The following BLTP1 variants were observed in gnomAD, a reference collection of about 807,000 sequenced individuals.
The protein encoded by BLTP1 is fragile site-associated protein.
chr4:122,251,474 TAATGAG>T, the BLTP1 span: 3 of 935,680 alleles, frequency 3.2e-6, no homozygotes, highest in Non-Finnish European at 3.8e-6. Flanking sequence ...ATATGTAGTT[TAATGAG>T]TTTAATCACA....
the BLTP1 span, chr4:122,193,482 T>G: frequency 4.7e-6 from 1 of 213,462 alleles, no homozygotes; most frequent in African/African-American, 2.4e-5. Context: ...CTATAGTGGT[T>G]AAGAGGTATA....
the BLTP1 span, chr4:122,246,299 G>A: frequency 6.4e-7 from 1 of 1,562,868 alleles, no homozygotes; most frequent in Non-Finnish European, 8.6e-7. Flanking sequence ...CATACCAAAG[G>A]TAACAATTTA....
the BLTP1 span, chr4:122,349,498 T>A: frequency 1.9e-6 from 3 of 1,602,342 alleles, no homozygotes; most frequent in African/African-American, 4.0e-5. The surrounding 1 kb of genome is among the most constrained non-coding windows in gnomAD (Gnocchi z 4.5). Flanking sequence ...AAAATTCAGA[T>A]TACTATGGGT....
chr4:122,263,299 A>G, the BLTP1 span: 3 of 1,409,364 alleles, frequency 2.1e-6, no homozygotes, highest in Non-Finnish European at 2.8e-6. Context: ...TTAATATCCA[A>G]ATACCAACAT....
chr4:122,346,149 T>C, the BLTP1 span, among the ~76,000 whole-genome samples: 3 of 151,800 alleles, frequency 2.0e-5, no homozygotes, highest in African/African-American at 7.3e-5. Flanking sequence ...ACAACAGGAG[T>C]AGAAGAATGC....
chr4:122,287,582 T>C, the BLTP1 span: 4 of 985,262 alleles, frequency 4.1e-6, no homozygotes, highest in Non-Finnish European at 4.8e-6. Context: ...GTTGCAACTT[T>C]ATGAAAAAGC....
chr4:122,362,153 C>T, the BLTP1 span: 1 of 1,613,436 alleles, frequency 6.2e-7, no homozygotes, highest in South Asian at 1.1e-5. Context: ...GTCATGGATC[C>T]ACTGGACAAG....
the BLTP1 span, chr4:122,229,269 CT>C: frequency 6.5e-7 from 1 of 1,546,096 alleles, no homozygotes; most frequent in South Asian, 1.2e-5. Flanking sequence ...TGGTGTAGTG[CT>C]TTTTCGTTTT....
chr4:122,214,544 C>T, the BLTP1 span: 224 of 954,826 alleles, frequency 2.3e-4, no homozygotes, highest in Non-Finnish European at 2.6e-4. Context: ...AAAAGTTTGC[C>T]GTAATGTATT....
At chr4:122,183,566 A>G in the BLTP1 span, 1 of 967,538 alleles carries the variant, frequency 1.0e-6, no homozygotes, top group Non-Finnish European at 1.2e-6. Flanking sequence ...CCAGTTAACA[A>G]GGCTGTTTTA....
At chr4:122,272,022 T>G in the BLTP1 span, 1 of 1,127,194 alleles carries the variant, frequency 8.9e-7, no homozygotes, top group Non-Finnish European at 1.2e-6. Flanking sequence ...GAAGAAATTT[T>G]TAATCATTTT....
the BLTP1 span, among the ~76,000 whole-genome samples, chr4:122,192,723 C>T: frequency 6.6e-6 from 1 of 151,764 alleles, no homozygotes; most frequent in African/African-American, 2.4e-5. Context: ...ATTGTTGGGA[C>T]TATGGGAATT....
the BLTP1 span, chr4:122,162,564 T>C: frequency 1.0e-6 from 1 of 985,212 alleles, no homozygotes; most frequent in Non-Finnish European, 1.2e-6. Context: ...TGGGGTGGAG[T>C]TGGGGGATTT....
At chr4:122,355,419 C>T in the BLTP1 span, among the ~76,000 whole-genome samples, 1 of 151,756 alleles carries the variant, frequency 6.6e-6, no homozygotes, top group Non-Finnish European at 1.5e-5. Context: ...CAACTTCAGA[C>T]ATGAATTCAG....
At chr4:122,197,719 G>T in the BLTP1 span, among the ~76,000 whole-genome samples, 1 of 152,054 alleles carries the variant, frequency 6.6e-6, no homozygotes, top group Non-Finnish European at 1.5e-5. Flanking sequence ...AGCCGGGTGG[G>T]TACTTTGAGT....
chr4:122,214,468 A>G, the BLTP1 span: 1 of 952,484 alleles, frequency 1.0e-6, no homozygotes, highest in South Asian at 4.9e-5. Context: ...CTATTATAAA[A>G]TGAAATTGAA....
chr4:122,247,914 A>G, the BLTP1 span: 2 of 981,724 alleles, frequency 2.0e-6, no homozygotes, highest in South Asian at 4.7e-5. Context: ...TGTTTTCAGA[A>G]TGTCAGAGAT....
chr4:122,203,908 A>G, the BLTP1 span: 4 of 441,952 alleles, frequency 9.1e-6, no homozygotes, highest in South Asian at 2.9e-4. Flanking sequence ...TTATAAAATT[A>G]TACTTGTTTC....
At chr4:122,226,950 T>C in the BLTP1 span, 3 of 722,156 alleles carry the variant, frequency 4.2e-6, no homozygotes, top group African/African-American at 3.7e-5. Context: ...ACTACAGTTT[T>C]TTCAGTTAAT....
Sources: gnomAD v4.1 joint callset for allele counts (sites outside exome capture counted in the v4.1 genomes callset) on GRCh38, gnomAD v4.1.1 for gene constraint, Gnocchi (gnomAD v3.1) non-coding constraint, MANE v1.5 for transcripts, NCBI Gene and HGNC (gene_info 2026-07-23, HGNC 2026-07-21) for gene names.